CLYBL: variants seen among roughly 807,000 people sequenced by gnomAD.
The protein encoded by CLYBL is citramalyl-CoA lyase, mitochondrial.
A neutral mutation model predicts 38.9 loss-of-function variants in CLYBL; 31 were observed. That is an observed-to-expected ratio of 0.80 (90% CI 0.60 to 1.08). The LOEUF is 1.08. Ranked by LOEUF, CLYBL falls within the 50% of genes least tolerant of loss-of-function variation. The pLI, the probability that CLYBL is intolerant of heterozygous loss-of-function variation, is 0.00. For missense variants in CLYBL, 434 were observed against 411.6 expected, an observed-to-expected ratio of 1.05 and a Z score of -0.47; for synonymous variants, 171 against 158.6, an observed-to-expected ratio of 1.08 and a Z score of -0.59.
chr13:99,782,440 G>A (rs1331689441), intron 2 of CLYBL, among the ~76,000 whole-genome samples: 2 of 152,242 alleles, frequency 1.3e-5, no homozygotes, highest in African/African-American at 4.8e-5. Context: ...CAGAGGTGGA[G>A]GTTGCTGCGA....
chr13:99,857,231 C>T (rs1363178267), intron 2 of CLYBL, among the ~76,000 whole-genome samples: 1 of 152,002 alleles, frequency 6.6e-6, no homozygotes, highest in African/African-American at 2.4e-5. Flanking sequence ...AGGAGAATCA[C>T]TTGAACTCAG....
At chr13:99,860,176 AC>A (rs1489188387) in intron 3 of CLYBL, among the ~76,000 whole-genome samples, 2 of 152,172 alleles carry the variant, frequency 1.3e-5, no homozygotes, top group African/African-American at 2.4e-5. Flanking sequence ...CTCGGGACTC[AC>A]TGAGGGGACA....
intron 1 of CLYBL, among the ~76,000 whole-genome samples, chr13:99,641,753 A>T (rs11842082): frequency 6.6e-6 from 1 of 151,958 alleles, no homozygotes; most frequent in African/African-American, 2.4e-5. Flanking sequence ...TGGAGCTTGC[A>T]GTGAGCTGAG....
rs149239814 is a variant in CLYBL, at chr13:99,659,378, A to C, written c.62+52621A>C. 1.8e-3 allele frequency among the ~76,000 whole-genome samples: 271 copies of C among 152,300 alleles called. 2 individuals are homozygous for C. Among genetic ancestry groups the C allele is most frequent in the Admixed American group, 6.1e-3 (94 of 15,298 alleles). ...AAAGTTCCGTTAAGTGGGCTTTCAC[A>C]GGTTTCCATCTGCTGTGTTTAATAG... is the stretch of plus-strand genomic sequence containing the variant. On this transcript the variant is annotated intron_variant, in intron 1 of 8. Coordinates refer to ENST00000339105, the MANE Select transcript of CLYBL (RefSeq NM_206808.5).
intron 1 of CLYBL, among the ~76,000 whole-genome samples, chr13:99,716,395 CTTT>C (rs71689410): frequency 7.4e-6 from 1 of 135,248 alleles, no homozygotes; most frequent in Non-Finnish European, 1.6e-5. Flanking sequence ...CTTTTCTTTT[CTTT>C]TTTTTTTTTT....
At chr13:99,731,935 G>C (rs2048598421) in intron 1 of CLYBL, among the ~76,000 whole-genome samples, 2 of 152,176 alleles carry the variant, frequency 1.3e-5, no homozygotes, top group Admixed American at 1.3e-4. Context: ...CCTGGAGGCT[G>C]ATGTGGTGAC....
intron 1 of CLYBL, among the ~76,000 whole-genome samples, chr13:99,719,107 C>T (rs2048358782): frequency 6.6e-6 from 1 of 151,792 alleles, no homozygotes; most frequent in Admixed American, 6.6e-5. Flanking sequence ...CCTGTTTGGC[C>T]TCCCAAAGTG....
intron 1 of CLYBL, among the ~76,000 whole-genome samples, chr13:99,772,455 G>C (rs1422396139): frequency 6.6e-6 from 1 of 152,134 alleles, no homozygotes; most frequent in Non-Finnish European, 1.5e-5. Context: ...CCAGCATTTT[G>C]GGAGCCCAAG....
At chr13:99,737,124 TG>T (rs1041485671) in intron 1 of CLYBL, among the ~76,000 whole-genome samples, 2 of 145,590 alleles carry the variant, frequency 1.4e-5, no homozygotes, top group African/African-American at 4.9e-5. Context: ...CTGAAGAATA[TG>T]GGGGGCATCA....
intron 1 of CLYBL, among the ~76,000 whole-genome samples, chr13:99,637,712 C>G (rs941794216): frequency 6.6e-6 from 1 of 152,124 alleles, no homozygotes; most frequent in Non-Finnish European, 1.5e-5. Context: ...GAGCTGAGAT[C>G]GCGCCACTGC....
chr13:99,612,580 G>C (rs1390503509), intron 1 of CLYBL, among the ~76,000 whole-genome samples: 1 of 151,620 alleles, frequency 6.6e-6, no homozygotes, highest in African/African-American at 2.4e-5. Context: ...GAGAGACGGG[G>C]TTTCGCCATG....
intron 7 of CLYBL, among the ~76,000 whole-genome samples, chr13:99,877,013 C>T (rs2052059883): frequency 6.6e-6 from 1 of 152,132 alleles, no homozygotes. Flanking sequence ...CCCAGCCCTG[C>T]CCCAGGAAGC....
chr13:99,692,453 G>A lies in CLYBL; in HGVS notation c.63-80371G>A, dbSNP rs146578775. On this transcript the variant is annotated intron_variant, in intron 1 of 8. Coordinates refer to ENST00000339105, the MANE Select transcript of CLYBL (RefSeq NM_206808.5). ...ACTACAGGCACCCGCCATCACGCCC[G>A]GTTAATTTTTTTGAACTTTTAGTAG... Among the ~76,000 whole-genome samples, 554 of 151,924 alleles carry A rather than the reference G, an allele frequency of 3.6e-3. 1 individual carries two copies. Among genetic ancestry groups the A allele is most frequent in the Middle Eastern group, 0.021 (6 of 292 alleles).
chr13:99,621,655 C>T (rs1292463335), intron 1 of CLYBL, among the ~76,000 whole-genome samples: 1 of 152,190 alleles, frequency 6.6e-6, no homozygotes, highest in African/African-American at 2.4e-5. Context: ...TTAAATTAAG[C>T]TTGTCCCTGC....
intron 2 of CLYBL, among the ~76,000 whole-genome samples, chr13:99,790,861 A>G (rs918066551): frequency 1.3e-5 from 2 of 152,056 alleles, no homozygotes; most frequent in Admixed American, 6.6e-5. Flanking sequence ...TCTACATCCT[A>G]TGACTTTTCA....
chr13:99,678,748 T>G (rs2047689510), intron 1 of CLYBL, among the ~76,000 whole-genome samples: 1 of 152,176 alleles, frequency 6.6e-6, no homozygotes, highest in Non-Finnish European at 1.5e-5. Flanking sequence ...CAATCATCTT[T>G]TATATAATTA....
At chr13:99,687,872 G>C (rs1490549457) in intron 1 of CLYBL, among the ~76,000 whole-genome samples, 8 of 152,198 alleles carry the variant, frequency 5.3e-5, no homozygotes, top group Non-Finnish European at 8.8e-5. Context: ...TGGGTTGAAT[G>C]CTTCTGTTCT....
intron 1 of CLYBL, among the ~76,000 whole-genome samples, chr13:99,684,208 A>C (rs1290784224): frequency 1.1e-5 from 1 of 93,742 alleles, no homozygotes; most frequent in African/African-American, 6.8e-5. Flanking sequence ...TTTTTTTTTG[A>C]GACAGATTCT....
chr13:99,644,508 C>G lies in CLYBL; in HGVS notation c.62+37751C>G, dbSNP rs950512059. ...AAGCATTTGTCATTTCTTTGTGTTTCAAACATTCCAGTTATACTCTTGTAG... is the reference window on the plus strand; with the variant it reads ...AAGCATTTGTCATTTCTTTGTGTTTGAAACATTCCAGTTATACTCTTGTAG... On this transcript the variant is annotated intron_variant, in intron 1 of 8. Transcript: ENST00000339105. Among the ~76,000 whole-genome samples the G allele has an allele frequency of 2.0e-5, 3 of 152,066 alleles. No homozygotes were observed. The East Asian group carries it at 5.8e-4, about 29-fold the overall frequency.
Sources: gnomAD v4.1 joint callset for allele counts (sites outside exome capture counted in the v4.1 genomes callset) on GRCh38, gnomAD v4.1.1 for gene constraint, MANE v1.5 for transcripts, NCBI Gene and HGNC (gene_info 2026-07-23, HGNC 2026-07-21) for gene names.